Variants in ADD2 observed in about 807,000 individuals in gnomAD.
The protein encoded by ADD2 is beta-adducin.
A neutral mutation model predicts 83.0 loss-of-function variants in ADD2; 23 were observed. The observed-to-expected ratio is 0.28, with a 90% CI of 0.20 to 0.39. The LOEUF is 0.39. Among genes scored for constraint, ADD2 ranks in the 10% least tolerant of loss-of-function variants. The probability of loss-of-function intolerance (pLI) is 1.00; values close to 1 mark genes in which losing one functional copy is unlikely to be tolerated. For synonymous variants in ADD2, 375 were observed against 375.4 expected, an observed-to-expected ratio of 1.00 and a Z score of 0.01; for missense variants, 758 against 944.9, an observed-to-expected ratio of 0.80 and a Z score of 2.59.
chr2:70,704,276 C>CCCA, intron 4 of ADD2, 45 bp downstream of exon 4: 1 of 1,432,212 alleles, frequency 7.0e-7, no homozygotes, highest in Non-Finnish European at 9.5e-7. Flanking sequence ...CCACCCCACC[C>CCCA]TCCCCTCCAC....
At chr2:70,675,580 TC>T (rs1385139811) in intron 13 of ADD2, 1 of 985,328 alleles carries the variant, frequency 1.0e-6, no homozygotes, top group Non-Finnish European at 1.2e-6. Flanking sequence ...CAGCCTTTTT[TC>T]CTAATTCAGC....
chr2:70,708,151 T>C (rs1333785692), intron 2 of ADD2, among the ~76,000 whole-genome samples: 7 of 152,194 alleles, frequency 4.6e-5, no homozygotes, highest in African/African-American at 1.7e-4. Flanking sequence ...ATAGATAAGC[T>C]TGGAGGACAG....
intron 14 of ADD2, among the ~76,000 whole-genome samples, chr2:70,674,064 G>A (rs1459339128): frequency 6.6e-6 from 1 of 152,186 alleles, no homozygotes; most frequent in Non-Finnish European, 1.5e-5. Context: ...AAAGAGAAGG[G>A]ACAGCTCAAT....
At chr2:70,686,877 G>A (rs1426920232) in intron 9 of ADD2, among the ~76,000 whole-genome samples, 2 of 152,212 alleles carry the variant, frequency 1.3e-5, no homozygotes, top group African/African-American at 4.8e-5. Flanking sequence ...CTTTTAAAAC[G>A]ATTGAAAAGG....
chr2:70,744,080 T>G (rs1674055747), intron 1 of ADD2, among the ~76,000 whole-genome samples: 1 of 152,220 alleles, frequency 6.6e-6, no homozygotes, highest in Non-Finnish European at 1.5e-5. Flanking sequence ...TCCTACACTC[T>G]TAAAACTCAG....
chr2:70,678,552 G>T, intron 11 of ADD2, 152 bp downstream of exon 11: 1 of 1,157,032 alleles, frequency 8.6e-7, no homozygotes, highest in Non-Finnish European at 1.2e-6. Context: ...GTGGGCCTGA[G>T]CAGCTGCTCC....
At chr2:70,691,854 G>A (rs1431232314) in intron 7 of ADD2, 3 of 152,398 alleles carry the variant, frequency 2.0e-5, no homozygotes, top group Non-Finnish European at 2.9e-5. Context: ...TAGGGTTCGG[G>A]GGGAGTACCC....
chr2:70,683,018 T>C (rs1655148246), intron 10 of ADD2, among the ~76,000 whole-genome samples: 1 of 143,004 alleles, frequency 7.0e-6, no homozygotes, highest in South Asian at 2.2e-4. Context: ...TACTGGAGTA[T>C]GACCTTTTTT....
intron 2 of ADD2, among the ~76,000 whole-genome samples, chr2:70,710,473 C>CCCAGAGGGTTGCT (rs1216430574): frequency 2.0e-5 from 3 of 152,220 alleles, no homozygotes; most frequent in Admixed American, 2.0e-4. Flanking sequence ...AGAGCCCTGC[C>CCCAGAGGGTTGCT]CCAGAGGGTT....
chr2:70,747,007 AT>A (rs34113265), intron 1 of ADD2, among the ~76,000 whole-genome samples: 286 of 121,182 alleles, frequency 2.4e-3, no homozygotes, highest in Admixed American at 4.5e-3. Flanking sequence ...TCCAATATGG[AT>A]TTTTTTTTTT....
intron 11 of ADD2, 115 bp downstream of exon 11, chr2:70,678,589 G>C: frequency 7.1e-7 from 1 of 1,417,900 alleles, no homozygotes; most frequent in Non-Finnish European, 9.3e-7. Context: ...AGCCCAAAGA[G>C]GATGCTACTA....
rs1289662866 is a variant in ADD2, at chr2:70,712,451, AT to A, written c.-35+614del. ...AGAGGGAGACCCTGTCTCAAAAAAA[AT>A]AAATAAATAAAAAAAAAAAAAAAGA... is the stretch of plus-strand genomic sequence containing the variant. On this transcript the variant is annotated intron_variant, in intron 2 of 15. Transcript: ENST00000264436. Among the ~76,000 whole-genome samples the A allele has an allele frequency of 5.6e-3, 711 of 126,000 alleles. 17 individuals are homozygous for A. The highest frequency in any genetic ancestry group is 0.017 in the African/African-American group (463 of 27,834). 82.7% of individuals were successfully genotyped at this position (126,000 alleles called of 152,430 possible).
At chr2:70,751,839 G>A (rs1304947627) in intron 1 of ADD2, among the ~76,000 whole-genome samples, 1 of 152,024 alleles carries the variant, frequency 6.6e-6, no homozygotes, top group Admixed American at 6.6e-5. Context: ...CAAGATAAAG[G>A]AAACTTAAGA....
chr2:70,704,970 G>T (rs1553374174), intron 3 of ADD2, among the ~76,000 whole-genome samples: 1 of 152,150 alleles, frequency 6.6e-6, no homozygotes, highest in Admixed American at 6.5e-5. Context: ...TGGCTTTTCA[G>T]ACCATGAAGC....
chr2:70,704,273 A>ACCCCCCCCCCCCCCCCCCCCC, intron 4 of ADD2, 48 bp downstream of exon 4: 1 of 523,440 alleles, frequency 1.9e-6, no homozygotes, highest in Non-Finnish European at 3.1e-6. Context: ...TCCCCACCCC[A>ACCCCCCCCCCCCCCCCCCCCC]CCCTCCCCTC....
chr2:70,683,439 C>G, intron 10 of ADD2, 152 bp downstream of exon 10: 1 of 868,854 alleles, frequency 1.2e-6, no homozygotes. Flanking sequence ...AGAATAACCA[C>G]ACATTCTAAA....
intron 2 of ADD2, among the ~76,000 whole-genome samples, chr2:70,709,750 C>T (rs1574272924): frequency 6.6e-6 from 1 of 152,336 alleles, no homozygotes; most frequent in South Asian, 2.1e-4. Flanking sequence ...TCCCCCAGAG[C>T]CTCTCCCACA....
At chr2:70,713,042 C>G in intron 2 of ADD2, 24 bp downstream of exon 2, 1 of 968,626 alleles carries the variant, frequency 1.0e-6, no homozygotes, top group Non-Finnish European at 1.2e-6. Context: ...CCCCCGTCAC[C>G]ACCAGAAACT....
intron 4 of ADD2, 53 bp from the exon 5 acceptor site, chr2:70,696,449 C>T: frequency 6.2e-7 from 1 of 1,605,904 alleles, no homozygotes. Context: ...CCCTCCCCTT[C>T]CTTGCTCCAG....
Sources: allele counts gnomAD v4.1 joint callset (sites outside exome capture counted in the v4.1 genomes callset), GRCh38; gene constraint gnomAD v4.1.1; transcripts MANE v1.5; gene names NCBI Gene and HGNC (gene_info 2026-07-23, HGNC 2026-07-21).